Variants in UBE2K observed in about 807,000 individuals in gnomAD.
UBE2K encodes ubiquitin conjugating enzyme E2 K.
A neutral mutation model predicts 30.0 loss-of-function variants in UBE2K; 6 were observed. That is an observed-to-expected ratio of 0.20 (90% CI 0.11 to 0.39). The LOEUF (loss-of-function observed/expected upper bound fraction) is 0.39. Among genes scored for constraint, UBE2K ranks in the 10% least tolerant of loss-of-function variants. UBE2K has a pLI of 1.00. For missense variants in UBE2K, 61 were observed against 241.6 expected, an observed-to-expected ratio of 0.25 and a Z score of 4.96; for synonymous variants, 86 against 83.7, an observed-to-expected ratio of 1.03 and a Z score of -0.15.
chr4:39,751,143 A>G (rs1415977272), intron 3 of UBE2K, among the ~76,000 whole-genome samples: 10 of 145,532 alleles, frequency 6.9e-5, no homozygotes, highest in African/African-American at 1.8e-4. Context: ...GGGTCTCACC[A>G]TGTTGCCCAG....
At chr4:39,729,268 G>A (rs1375147644) in intron 1 of UBE2K, among the ~76,000 whole-genome samples, 1 of 152,028 alleles carries the variant, frequency 6.6e-6, no homozygotes, top group Non-Finnish European at 1.5e-5. Context: ...ATGGCGCCCG[G>A]TCTTTCCTAT....
chr4:39,758,745 C>G (rs1434044408), intron 4 of UBE2K, among the ~76,000 whole-genome samples: 2 of 151,338 alleles, frequency 1.3e-5, no homozygotes, highest in African/African-American at 2.4e-5. Flanking sequence ...CTCTTTTTGC[C>G]CAGAGTTAAG....
Position 39,702,231 on chromosome 4 carries a change from C to CTTTTTTTTTTTTTT in UBE2K, c.63+3868_63+3881dup, listed in dbSNP as rs564712672. Among the ~76,000 whole-genome samples the CTTTTTTTTTTTTTT allele has an allele frequency of 2.8e-4, 19 of 67,358 alleles. 1 individual carries two copies. Among genetic ancestry groups the CTTTTTTTTTTTTTT allele is most frequent in the African/African-American group, 4.0e-4 (6 of 14,880 alleles). The allele number at this position is 67,358 out of a possible 152,430, so 44.2% of individuals were successfully genotyped here. ...ATTTTCTTTTCTTTTCTTTTCTTTT[C>CTTTTTTTTTTTTTT]TTTTTTTTTTTTTTTTTTTTTTTTT... On this transcript the variant is annotated intron_variant, in intron 1 of 6. Coordinates refer to ENST00000261427, the MANE Select transcript of UBE2K (RefSeq NM_005339.5).
At chr4:39,770,780 G>T (rs1321755252) in intron 4 of UBE2K, 4 of 1,580,642 alleles carry the variant, frequency 2.5e-6, no homozygotes, top group Non-Finnish European at 3.4e-6. Context: ...GCTTGAGCCG[G>T]TGTGCGATGT....
intron 5 of UBE2K, among the ~76,000 whole-genome samples, chr4:39,775,213 T>C (rs779745898): frequency 6.6e-6 from 1 of 152,204 alleles, no homozygotes; most frequent in African/African-American, 2.4e-5. Context: ...ACCATCTAGA[T>C]TCTATGATTA....
chr4:39,755,877 A>C, intron 4 of UBE2K, 138 bp downstream of exon 4: 2 of 570,586 alleles, frequency 3.5e-6, no homozygotes, highest in East Asian at 3.3e-5. Flanking sequence ...TCTTAAGTGC[A>C]TAACTGAAAA....
intron 6 of UBE2K, among the ~76,000 whole-genome samples, chr4:39,778,121 A>T (rs923612085): frequency 2.1e-4 from 31 of 151,202 alleles, no homozygotes; most frequent in Non-Finnish European, 2.5e-4. Flanking sequence ...AAAAAAAAAA[A>T]AAGGAAAATA....
At chr4:39,752,925 G>A (rs529484792) in intron 3 of UBE2K, among the ~76,000 whole-genome samples, 1 of 152,096 alleles carries the variant, frequency 6.6e-6, no homozygotes, top group African/African-American at 2.4e-5. Context: ...GAGGCCGAGA[G>A]GGGAGGATTG....
chr4:39,709,667 G>A (rs1473090019), intron 1 of UBE2K, among the ~76,000 whole-genome samples: 2 of 151,990 alleles, frequency 1.3e-5, no homozygotes, highest in South Asian at 2.1e-4. Context: ...TGTCCCCTGT[G>A]GATAAGAGGG....
intron 1 of UBE2K, among the ~76,000 whole-genome samples, chr4:39,729,432 G>T (rs1719948990): frequency 6.6e-6 from 1 of 151,946 alleles, no homozygotes; most frequent in Non-Finnish European, 1.5e-5. Flanking sequence ...TCAATTCTTT[G>T]TTTCCTTATC....
intron 5 of UBE2K, among the ~76,000 whole-genome samples, chr4:39,777,010 G>T (rs1713320882): frequency 1.3e-5 from 2 of 152,164 alleles, no homozygotes; most frequent in Admixed American, 1.3e-4. Context: ...ACTTTTAAAA[G>T]AAATATTAAA....
chr4:39,746,081 A>G (rs1289274372), intron 3 of UBE2K, among the ~76,000 whole-genome samples: 1 of 152,086 alleles, frequency 6.6e-6, no homozygotes, highest in African/African-American at 2.4e-5. Flanking sequence ...ATCTAGAAAT[A>G]CGTGGCAGTG....
intron 1 of UBE2K, among the ~76,000 whole-genome samples, chr4:39,712,543 C>A (rs1259841181): frequency 6.6e-6 from 1 of 151,924 alleles, no homozygotes; most frequent in Non-Finnish European, 1.5e-5. Flanking sequence ...AATTCTCCTG[C>A]CTCAGCCTCC....
At chr4:39,730,725 G>A (rs367752043) in intron 1 of UBE2K, among the ~76,000 whole-genome samples, 8 of 151,056 alleles carry the variant, frequency 5.3e-5, no homozygotes, top group East Asian at 4.0e-4. Flanking sequence ...AGCTGAGATT[G>A]CGCCACTGCA....
intron 1 of UBE2K, among the ~76,000 whole-genome samples, chr4:39,725,703 A>G (rs1426619190): frequency 6.6e-6 from 1 of 152,132 alleles, no homozygotes; most frequent in Admixed American, 6.5e-5. Context: ...GCATGCAGGG[A>G]ATTTTCTTCC....
chr4:39,730,734 C>T (rs920629626), intron 1 of UBE2K, among the ~76,000 whole-genome samples: 21 of 151,254 alleles, frequency 1.4e-4, no homozygotes, highest in Admixed American at 6.6e-4. Context: ...TGCGCCACTG[C>T]ACTCCAGCCT....
At chr4:39,714,829 G>A (rs1033285255) in intron 1 of UBE2K, among the ~76,000 whole-genome samples, 2 of 151,196 alleles carry the variant, frequency 1.3e-5, no homozygotes, top group African/African-American at 4.9e-5. Context: ...GATTACAGGC[G>A]TAAGCCACCG....
At chr4:39,753,976 C>G (rs565549632) in intron 3 of UBE2K, among the ~76,000 whole-genome samples, 2 of 152,104 alleles carry the variant, frequency 1.3e-5, no homozygotes, top group African/African-American at 4.8e-5. Context: ...GCTCCAAGAT[C>G]GCGCCACTGC....
At chr4:39,752,215 C>T (rs1196135959) in intron 3 of UBE2K, among the ~76,000 whole-genome samples, 1 of 152,200 alleles carries the variant, frequency 6.6e-6, no homozygotes, top group Admixed American at 6.5e-5. Flanking sequence ...TCACTGCAAG[C>T]TCCATCTCCC....
Sources: allele counts gnomAD v4.1 joint callset (sites outside exome capture counted in the v4.1 genomes callset), GRCh38; gene constraint gnomAD v4.1.1; transcripts MANE v1.5; gene names NCBI Gene and HGNC (gene_info 2026-07-23, HGNC 2026-07-21).